Variants in GSPT1 observed in about 807,000 individuals in gnomAD.
The protein encoded by GSPT1 is eukaryotic peptide chain release factor GTP-binding subunit ERF3A.
A neutral mutation model predicts 72.5 loss-of-function variants in GSPT1; 20 were observed. The ratio of observed to expected loss-of-function variants is 0.28; its 90% CI spans 0.19 to 0.40. The LOEUF is 0.40. Ranked by LOEUF, GSPT1 falls within the 10% of genes least tolerant of loss-of-function variation. The pLI is 1.00. For synonymous variants in GSPT1, 334 were observed against 293.5 expected (o/e 1.14, Z -1.41); for missense variants, 580 against 811.9 (o/e 0.71, Z 3.47).
In GSPT1 at chr16:11,886,795, A is replaced by G; in HGVS notation, c.1094T>C (p.Val365Ala). 6.2e-7 allele frequency: 1 copy of G among 1,613,482 alleles called. No homozygotes were observed. The highest frequency in any genetic ancestry group is 8.5e-7 in the Non-Finnish European group (1 of 1,179,446). ...VLINKMDDPT[V>A]NWSNERYEEC... ...CGCTCACCTCTCATTGCTCCAATTT[A>G]CTGTTGGATCATCCATCTTATTAAT... Residue 365 changes from valine to alanine, a missense_variant, in exon 8 of 15, where the codon GTA becomes GCA. By Grantham distance (64) the Val-to-Ala change is moderately conservative. Coordinates refer to ENST00000434724, the MANE Select transcript of GSPT1 (RefSeq NM_002094.4).
intron 4 of GSPT1, among the ~76,000 whole-genome samples, chr16:11,895,981 A>C (rs1456027122): frequency 6.6e-6 from 1 of 152,226 alleles, no homozygotes; most frequent in Non-Finnish European, 1.5e-5. Flanking sequence ...ACAGTGTTTC[A>C]TATCTGGGGG....
rs912915394 is a variant in GSPT1, at chr16:11,899,425, G to A, written c.353-1390C>T. Among the ~76,000 whole-genome samples the A allele has an allele frequency of 4.6e-5, 7 of 152,082 alleles. No individual in the cohort carries two copies. In the East Asian group the frequency reaches 1.4e-3, roughly 29 times the overall value. On this transcript the variant is annotated intron_variant, in intron 1 of 14. Transcript: ENST00000434724. ...GAACTAGAGTGGGCAAGACCCCACA[G>A]GCAGGAAGACCCACATCACCACTGC...
chr16:11,907,078 G>T (rs1261740405), intron 1 of GSPT1, among the ~76,000 whole-genome samples: 1 of 152,148 alleles, frequency 6.6e-6, no homozygotes, highest in Non-Finnish European at 1.5e-5. Context: ...CTGTTTTAAA[G>T]TATTTTACAT....
chr16:11,906,231 C>G (rs1362541691), intron 1 of GSPT1, among the ~76,000 whole-genome samples: 19 of 152,144 alleles, frequency 1.2e-4, no homozygotes, highest in South Asian at 6.2e-4. Context: ...ACCAGGACCC[C>G]TAGCCTCCAT....
At chr16:11,885,973 A>G (rs1259020748) in intron 9 of GSPT1, among the ~76,000 whole-genome samples, 1 of 152,238 alleles carries the variant, frequency 6.6e-6, no homozygotes, top group East Asian at 1.9e-4. Flanking sequence ...AGAGGGAGCC[A>G]AATCAATTCA....
upstream of GSPT1, chr16:11,916,206 C>T (rs980879883): frequency 1.0e-4 from 35 of 339,180 alleles, no homozygotes; most frequent in Non-Finnish European, 1.8e-4. Context: ...GGAAGCGGCT[C>T]CGGCTCCCGG....
chr16:11,886,413 G>C, intron 9 of GSPT1, 58 bp downstream of exon 9: 1 of 1,150,692 alleles, frequency 8.7e-7, no homozygotes, highest in Non-Finnish European at 1.3e-6. Flanking sequence ...GTCTTTATAA[G>C]TAATTTAAGT....
chr16:11,899,107 G>C (rs950902634), intron 1 of GSPT1, among the ~76,000 whole-genome samples: 3 of 152,122 alleles, frequency 2.0e-5, no homozygotes, highest in African/African-American at 4.8e-5. Context: ...CTGCTTTAAA[G>C]AATCTCCACG....
chr16:11,895,081 A>C, intron 4 of GSPT1, 94 bp from the exon 5 acceptor site: 4 of 754,396 alleles, frequency 5.3e-6, no homozygotes, highest in Non-Finnish European at 9.3e-6. Context: ...ACATAATTAA[A>C]TCTTCCATAT....
chr16:11,914,944 T>G, intron 1 of GSPT1: 1 of 1,126,652 alleles, frequency 8.9e-7, no homozygotes, highest in South Asian at 1.3e-5. Flanking sequence ...AAAGGAAAAC[T>G]CGGCCATTCG....
chr16:11,902,250 C>G (rs1169954943), intron 1 of GSPT1, among the ~76,000 whole-genome samples: 1 of 150,610 alleles, frequency 6.6e-6, no homozygotes, highest in Non-Finnish European at 1.5e-5. Flanking sequence ...GGCTTGGTGG[C>G]GGGCACCTGT....
rs2053995203 is a variant in GSPT1 at position 11,872,985 on chromosome 16, T to G, written c.*134A>C. The G allele has an allele frequency of 1.6e-6, 1 of 615,548 alleles. No individual in the cohort carries two copies. Among genetic ancestry groups the G allele is most frequent in the African/African-American group, 1.8e-5 (1 of 55,062 alleles). The allele number at this position is 615,548 out of a possible 1,614,324, so 38.1% of individuals were successfully genotyped here. On this transcript the variant is annotated 3_prime_UTR_variant, in exon 15 of 15. Coordinates refer to ENST00000434724, the MANE Select transcript of GSPT1 (RefSeq NM_002094.4). ...TGAGAAAGCTGACATAATGTGGACT[T>G]TTGCTGTGAATTTCCTCTTTGCAAA...
chr16:11,889,665 C>A (rs577289239), intron 6 of GSPT1, among the ~76,000 whole-genome samples: 1 of 151,710 alleles, frequency 6.6e-6, no homozygotes, highest in African/African-American at 2.4e-5. Context: ...CGCCACCATG[C>A]CCAGCTAATT....
At chr16:11,915,167 C>G (rs2054615711) in intron 1 of GSPT1, 2 of 1,032,712 alleles carry the variant, frequency 1.9e-6, no homozygotes, top group Non-Finnish European at 1.2e-6. Flanking sequence ...TGCCCGCTGT[C>G]CGCTCCCCGC....
intron 5 of GSPT1, among the ~76,000 whole-genome samples, chr16:11,894,543 T>C (rs1205867855): frequency 6.6e-6 from 1 of 152,194 alleles, no homozygotes; most frequent in African/African-American, 2.4e-5. Flanking sequence ...GGAGACCAAG[T>C]TTCCCATAAT....
At position 11,892,829 on chromosome 16, in the gene GSPT1, CAAAAAAAA is replaced by C. The variant is rs57546698; in HGVS notation, c.699-1698_699-1691del. On this transcript the variant is annotated intron_variant, in intron 5 of 14. Transcript: ENST00000434724. ...AGCCTGGGCGATAGAGATTCTGTCT[CAAAAAAAA>C]AAAAAAAAAAAAAAAAAAGAAAAGA... Among the ~76,000 whole-genome samples, 16 of 31,228 alleles carry C rather than the reference CAAAAAAAA, an allele frequency of 5.1e-4. 1 individual carries two copies. Among genetic ancestry groups the C allele is most frequent in the South Asian group, 2.1e-3 (2 of 970 alleles). The allele number at this position is 31,228 out of a possible 152,430, so 20.5% of individuals were successfully genotyped here.
chr16:11,891,968 ATAGT>A (rs1317362793), intron 5 of GSPT1, among the ~76,000 whole-genome samples: 3 of 152,174 alleles, frequency 2.0e-5, no homozygotes, highest in East Asian at 3.9e-4. Context: ...TGGCCAGAAA[ATAGT>A]TAAAGTAAAG....
At position 11,875,807 on chromosome 16, in the gene GSPT1, G is replaced by A. The variant is rs1253438740; in HGVS notation, c.1815C>T (p.Thr605=). The A allele has an allele frequency of 6.2e-7, 1 of 1,613,334 alleles. No homozygotes were observed. The highest frequency in any genetic ancestry group is 1.7e-5 in the Admixed American group (1 of 59,666). Residue 605 remains threonine, a synonymous_variant, in exon 14 of 15, where the codon ACC becomes ACT. Coordinates refer to ENST00000434724, the MANE Select transcript of GSPT1 (RefSeq NM_002094.4). The stretch of plus-strand genomic sequence containing the variant: ...GACCCATCTGAGGGAAGTCTTTAAA[G>A]GTCTCAAGGCAGATGGTTCCTGCTG... ...LRTAGTICLE[T]FKDFPQMGRF...
At chr16:11,906,305 T>C (rs919653885) in intron 1 of GSPT1, among the ~76,000 whole-genome samples, 2 of 152,142 alleles carry the variant, frequency 1.3e-5, no homozygotes, top group Non-Finnish European at 2.9e-5. Flanking sequence ...ATGTGCCAAC[T>C]TTCTAAGAAG....
Sources: gnomAD v4.1 joint callset for allele counts (sites outside exome capture counted in the v4.1 genomes callset) on GRCh38, gnomAD v4.1.1 for gene constraint, MANE v1.5 for transcripts, NCBI Gene and HGNC (gene_info 2026-07-23, HGNC 2026-07-21) for gene names.